The following SLC35F1 variants were observed in gnomAD, a reference collection of about 807,000 sequenced individuals.
The protein encoded by SLC35F1 is solute carrier family 35 member F1.
In SLC35F1, 14 loss-of-function variants were observed where a neutral mutation model predicts 48.7. The observed-to-expected ratio is 0.29, with a 90% CI of 0.19 to 0.45. The LOEUF (loss-of-function observed/expected upper bound fraction) is 0.45, where lower values mean the gene tolerates loss of function less well. SLC35F1 is among the 20% of genes least tolerant of loss of function. The probability of loss-of-function intolerance (pLI) is 1.00; values close to 1 mark genes in which losing one functional copy is unlikely to be tolerated. For synonymous variants in SLC35F1, 190 were observed against 202.2 expected (o/e 0.94, Z 0.51); for missense variants, 404 against 500.0 (o/e 0.81, Z 1.83).
Position 118,304,928 on chromosome 6 carries a change from A to G in SLC35F1, c.1003-9100A>G, listed in dbSNP as rs73518551. Reference sequence around the variant, plus strand: ...CACTTGATATTCCCTGAAAAATATCATTAAACATTGCACTTCTAAAACTTA... The same window carrying G: ...CACTTGATATTCCCTGAAAAATATCGTTAAACATTGCACTTCTAAAACTTA... On this transcript the variant is annotated intron_variant, in intron 7 of 7. Coordinates refer to ENST00000360388, the MANE Select transcript of SLC35F1 (RefSeq NM_001029858.4). Among the ~76,000 whole-genome samples, 966 of 115,002 alleles carry G rather than the reference A, an allele frequency of 8.4e-3. 14 individuals carry two copies. Among genetic ancestry groups the G allele is most frequent in the African/African-American group, 0.032 (917 of 28,298 alleles). 75.4% of individuals were successfully genotyped at this position (115,002 alleles called of 152,430 possible).
chr6:117,947,810 A>G (rs1185215499), intron 1 of SLC35F1, among the ~76,000 whole-genome samples: 2 of 152,090 alleles, frequency 1.3e-5, no homozygotes, highest in African/African-American at 2.4e-5. Context: ...TGAGTATAGG[A>G]GTCTGGAGCC....
At chr6:117,959,817 C>T (rs897508906) in intron 1 of SLC35F1, among the ~76,000 whole-genome samples, 3 of 151,794 alleles carry the variant, frequency 2.0e-5, no homozygotes, top group African/African-American at 7.3e-5. Context: ...TTTTTGATCC[C>T]CCTACTATGT....
At chr6:118,025,448 A>G (rs1016850699) in intron 1 of SLC35F1, among the ~76,000 whole-genome samples, 1 of 152,140 alleles carries the variant, frequency 6.6e-6, no homozygotes, top group Non-Finnish European at 1.5e-5. Context: ...GCTGAGATAT[A>G]GTATTTGTCA....
intron 1 of SLC35F1, among the ~76,000 whole-genome samples, chr6:118,074,841 A>G (rs1464767832): frequency 1.3e-5 from 2 of 152,122 alleles, no homozygotes; most frequent in African/African-American, 4.8e-5. Context: ...ATGGGGTCTC[A>G]CTATATTGCC....
Position 118,090,132 on chromosome 6 carries a change from C to T in SLC35F1, c.174-64313C>T, listed in dbSNP as rs1343773790. 2.6e-5 allele frequency among the ~76,000 whole-genome samples: 4 copies of T among 152,154 alleles called. No individual in the cohort carries two copies. The East Asian group carries it at 7.7e-4, about 29-fold the overall frequency. The stretch of plus-strand genomic sequence containing the variant: ...CAGGGACTGAAGAATCTCTCTAGGG[C>T]AACTGCTAGCATATTTTAACACCTC... On this transcript the variant is annotated intron_variant, in intron 1 of 7. Coordinates refer to ENST00000360388, the MANE Select transcript of SLC35F1 (RefSeq NM_001029858.4).
At chr6:118,149,280 T>C (rs1291609708) in intron 1 of SLC35F1, among the ~76,000 whole-genome samples, 1 of 152,126 alleles carries the variant, frequency 6.6e-6, no homozygotes, top group Non-Finnish European at 1.5e-5. Context: ...AGATCTACCA[T>C]AGCAGTTATC....
intron 1 of SLC35F1, among the ~76,000 whole-genome samples, chr6:118,058,896 T>C (rs80077898): frequency 0.018 from 2,762 of 152,332 alleles, 33 homozygotes; most frequent in Middle Eastern, 0.071. Flanking sequence ...TTTCAAGATA[T>C]AACAAAACAT....
chr6:117,935,936 CAAT>C (rs1156249540), intron 1 of SLC35F1, among the ~76,000 whole-genome samples: 2 of 152,182 alleles, frequency 1.3e-5, no homozygotes, highest in Non-Finnish European at 2.9e-5. Flanking sequence ...AGTCCGCAAA[CAAT>C]GAGGATCAAC....
At chr6:117,918,212 G>A (rs1482718578) in intron 1 of SLC35F1, among the ~76,000 whole-genome samples, 1 of 152,096 alleles carries the variant, frequency 6.6e-6, no homozygotes. Flanking sequence ...AGAGTGTAAG[G>A]AGAGTCTTTT....
intron 1 of SLC35F1, among the ~76,000 whole-genome samples, chr6:118,063,877 T>C (rs889671571): frequency 6.6e-6 from 1 of 152,128 alleles, no homozygotes; most frequent in African/African-American, 2.4e-5. Flanking sequence ...TTAAATTTAA[T>C]TATAGTGAAG....
chr6:118,311,340 A>T (rs1776369493), intron 7 of SLC35F1, among the ~76,000 whole-genome samples: 1 of 152,144 alleles, frequency 6.6e-6, no homozygotes, highest in African/African-American at 2.4e-5. Flanking sequence ...CTGATTTTTT[A>T]TTATGTTTCT....
intron 1 of SLC35F1, among the ~76,000 whole-genome samples, chr6:118,120,161 GA>G (rs761761704): frequency 1.4e-4 from 22 of 152,240 alleles, no homozygotes; most frequent in East Asian, 3.9e-4. Flanking sequence ...TATATTCAGA[GA>G]AAAACTTTTT....
At chr6:118,053,420 A>G (rs1276594076) in intron 1 of SLC35F1, among the ~76,000 whole-genome samples, 1 of 152,196 alleles carries the variant, frequency 6.6e-6, no homozygotes, top group African/African-American at 2.4e-5. Context: ...CGTGGAGGAA[A>G]AAAATCTTAT....
intron 1 of SLC35F1, among the ~76,000 whole-genome samples, chr6:118,107,362 T>G (rs1773339965): frequency 6.6e-6 from 1 of 152,200 alleles, no homozygotes; most frequent in Non-Finnish European, 1.5e-5. Context: ...TTCCAAACTC[T>G]TTTCTCCCAT....
At chr6:118,313,405 G>GTA in intron 7 of SLC35F1, among the ~76,000 whole-genome samples, 1 of 152,208 alleles carries the variant, frequency 6.6e-6, no homozygotes, top group Admixed American at 6.5e-5. Context: ...GCAGAATGTT[G>GTA]TATATACAGT....
intron 3 of SLC35F1, among the ~76,000 whole-genome samples, chr6:118,252,309 A>G (rs1400992630): frequency 6.6e-6 from 1 of 152,072 alleles, no homozygotes; most frequent in African/African-American, 2.4e-5. Context: ...CGATGTGGAT[A>G]GAGGTGGTTT....
chr6:118,305,952 C>T (rs1776307004), intron 7 of SLC35F1, among the ~76,000 whole-genome samples: 1 of 152,116 alleles, frequency 6.6e-6, no homozygotes, highest in African/African-American at 2.4e-5. Flanking sequence ...AATAGTACTG[C>T]CTGGATTGAT....
intron 1 of SLC35F1, among the ~76,000 whole-genome samples, chr6:118,052,485 G>A (rs1772405194): frequency 6.6e-6 from 1 of 152,010 alleles, no homozygotes; most frequent in Non-Finnish European, 1.5e-5. Context: ...TCTTAGAAAA[G>A]GTGAATTTAA....
intron 1 of SLC35F1, among the ~76,000 whole-genome samples, chr6:118,099,318 T>A (rs1168719666): frequency 6.6e-6 from 1 of 152,330 alleles, no homozygotes; most frequent in African/African-American, 2.4e-5. Flanking sequence ...CCTGATCCAG[T>A]AAGTCGATGC....
Sources: gnomAD v4.1 joint callset for allele counts (sites outside exome capture counted in the v4.1 genomes callset) on GRCh38, gnomAD v4.1.1 for gene constraint, MANE v1.5 for transcripts, NCBI Gene and HGNC (gene_info 2026-07-23, HGNC 2026-07-21) for gene names.